Variants in AOPEP observed in about 807,000 individuals in gnomAD.
AOPEP encodes the protein aminopeptidase O (putative).
AOPEP carries 77 observed loss-of-function variants against 98.1 expected under a neutral mutation model. The observed-to-expected ratio is 0.78, with a 90% CI of 0.65 to 0.95. The LOEUF (loss-of-function observed/expected upper bound fraction) is 0.95, where lower values mean the gene tolerates loss of function less well. Among genes scored for constraint, AOPEP ranks in the 40% least tolerant of loss-of-function variants. AOPEP has a pLI of 0.00. For synonymous variants in AOPEP, 346 were observed against 365.3 expected (o/e 0.95, Z 0.60); for missense variants, 1,024 against 1,024.7 (o/e 1.00, Z 0.01).
intron 14 of AOPEP, among the ~76,000 whole-genome samples, chr9:95,071,441 G>A (rs1398223402): frequency 1.3e-5 from 2 of 152,092 alleles, no homozygotes; most frequent in African/African-American, 2.4e-5. Flanking sequence ...CATGTACATT[G>A]GGTTCCGTAT....
At chr9:94,953,348 T>C (rs918666744) in intron 7 of AOPEP, among the ~76,000 whole-genome samples, 1 of 152,196 alleles carries the variant, frequency 6.6e-6, no homozygotes, top group African/African-American at 2.4e-5. Context: ...AGTATGCAGT[T>C]AGCTCTGATG....
chr9:95,004,196 A>G (rs1216192537), intron 11 of AOPEP: 1 of 455,896 alleles, frequency 2.2e-6, no homozygotes, highest in African/African-American at 2.0e-5. Context: ...GCCCGCCCTC[A>G]CCGGCAGGCG....
chr9:94,971,246 A>G (rs150001672), intron 10 of AOPEP, among the ~76,000 whole-genome samples: 216 of 152,290 alleles, frequency 1.4e-3, no homozygotes, highest in African/African-American at 5.0e-3. Context: ...ATCACCAATC[A>G]CATGCCTTTT....
In AOPEP at chr9:95,073,772, T is replaced by A. The variant is rs561160478; in HGVS notation, c.2233-6922T>A. The stretch of plus-strand genomic sequence containing the variant: ...TACTTGGGAGGCTGAGGCAGGAGAA[T>A]CGCTTGAACCTGGGAGGCAGAGGTT... On this transcript the variant is annotated intron_variant, in intron 14 of 16. Coordinates refer to ENST00000375315, the MANE Select transcript of AOPEP (RefSeq NM_001193329.3). Among the ~76,000 whole-genome samples, 23 of 152,186 alleles carry A rather than the reference T, an allele frequency of 1.5e-4. No homozygotes were observed. In the East Asian group the frequency reaches 4.4e-3, roughly 29 times the overall value.
intron 5 of AOPEP, among the ~76,000 whole-genome samples, chr9:94,833,235 C>T (rs1400074758): frequency 4.3e-5 from 3 of 70,318 alleles, no homozygotes; most frequent in Non-Finnish European, 7.5e-5. Flanking sequence ...CACACCCGTC[C>T]TTTTTTTTTT....
chr9:94,742,697 T>C (rs529002540), intron 1 of AOPEP, among the ~76,000 whole-genome samples: 171 of 152,300 alleles, frequency 1.1e-3, no homozygotes, highest in African/African-American at 3.9e-3. Context: ...CCTCCCAAAA[T>C]GCTGGGATTA....
chr9:95,037,111 G>T (rs1410161982), intron 13 of AOPEP, among the ~76,000 whole-genome samples: 4 of 152,108 alleles, frequency 2.6e-5, no homozygotes, highest in Non-Finnish European at 5.9e-5. Flanking sequence ...ACCCATAGAG[G>T]CTTTTAATTT....
At chr9:94,887,740 G>A (rs1225915646) in intron 5 of AOPEP, among the ~76,000 whole-genome samples, 2 of 152,162 alleles carry the variant, frequency 1.3e-5, no homozygotes, top group Non-Finnish European at 2.9e-5. Context: ...TCCTGTCCAC[G>A]GGCAGACAGG....
chr9:94,913,698 A>G (rs1324281898), intron 5 of AOPEP, among the ~76,000 whole-genome samples: 1 of 152,232 alleles, frequency 6.6e-6, no homozygotes, highest in African/African-American at 2.4e-5. Context: ...TGTTTAACAA[A>G]GGTGGTGACA....
At chr9:94,753,521 T>C (rs553926243) in intron 1 of AOPEP, among the ~76,000 whole-genome samples, 15 of 152,082 alleles carry the variant, frequency 9.9e-5, no homozygotes, top group African/African-American at 3.6e-4. Context: ...AACAGGAATG[T>C]AGAAAAATTC....
chr9:94,909,631 C>T (rs924929048), intron 5 of AOPEP, among the ~76,000 whole-genome samples: 4 of 152,132 alleles, frequency 2.6e-5, no homozygotes, highest in African/African-American at 4.8e-5. Context: ...ACTGCTGTGA[C>T]GTGTGTGACG....
intron 6 of AOPEP, among the ~76,000 whole-genome samples, chr9:94,927,494 C>T (rs539276034): frequency 2.9e-4 from 44 of 152,288 alleles, no homozygotes; most frequent in African/African-American, 1.0e-3. Context: ...CTTCCTGGCC[C>T]GACGTGCCTT....
At chr9:94,766,284 A>G (rs1839584158) in intron 2 of AOPEP, among the ~76,000 whole-genome samples, 1 of 152,212 alleles carries the variant, frequency 6.6e-6, no homozygotes, top group African/African-American at 2.4e-5. Context: ...CACGCGTGTA[A>G]TCCCAGCACT....
At chr9:95,021,963 C>T (rs1201168792) in intron 13 of AOPEP, 1 of 152,176 alleles carries the variant, frequency 6.6e-6, no homozygotes, top group Non-Finnish European at 1.5e-5. Context: ...TCTTGGGAAC[C>T]CCTGATGGAG....
rs149997346 is a variant in AOPEP, at chr9:94,892,254, C to T, written c.1365-31732C>T. On this transcript the variant is annotated intron_variant, in intron 5 of 16. Transcript: ENST00000375315. ...CAAACTTGAGAAGTTTTCAAATCTA[C>T]TCCCTTCCTCCTCTCTTTCTGAGAC... Among the ~76,000 whole-genome samples the T allele has an allele frequency of 9.3e-3, 1,411 of 152,312 alleles. 27 individuals are homozygous for T. The highest frequency in any genetic ancestry group is 0.032 in the African/African-American group (1,328 of 41,578).
At chr9:95,123,708 T>G in the AOPEP span, 1 of 687,698 alleles carries the variant, frequency 1.5e-6, no homozygotes, top group African/African-American at 1.8e-5. Context: ...GATGCCTATG[T>G]GCTTCCCAAG....
At chr9:94,791,894 A>T (rs1180504819) in intron 3 of AOPEP, among the ~76,000 whole-genome samples, 1 of 152,244 alleles carries the variant, frequency 6.6e-6, no homozygotes, top group Non-Finnish European at 1.5e-5. Context: ...ATGCTCGGAA[A>T]ATATACCATT....
the AOPEP span, chr9:95,123,828 C>T: frequency 3.0e-5 from 20 of 664,980 alleles, no homozygotes; most frequent in Non-Finnish European, 4.8e-5. Flanking sequence ...CAATTTAGAC[C>T]TGCGGATGCT....
At chr9:95,103,904 G>C in the AOPEP span, among the ~76,000 whole-genome samples, 2 of 152,232 alleles carry the variant, frequency 1.3e-5, no homozygotes, top group Non-Finnish European at 2.9e-5. Context: ...TCTGAAGAGA[G>C]ATAGTGGCCT....
Sources: gnomAD v4.1 joint callset for allele counts (sites outside exome capture counted in the v4.1 genomes callset) on GRCh38, gnomAD v4.1.1 for gene constraint, MANE v1.5 for transcripts, NCBI Gene and HGNC (gene_info 2026-07-23, HGNC 2026-07-21) for gene names.